The following BCO2 variants were observed in gnomAD, a reference collection of about 807,000 sequenced individuals.
The protein encoded by BCO2 is carotenoid-cleaving dioxygenase, mitochondrial.
BCO2 carries 56 observed loss-of-function variants against 65.8 expected under a neutral mutation model. The ratio of observed to expected loss-of-function variants is 0.85; its 90% CI spans 0.69 to 1.06. BCO2 has a LOEUF of 1.06. BCO2 is among the 50% of genes least tolerant of loss of function. The probability of loss-of-function intolerance (pLI) is 0.00; values close to 1 mark genes in which losing one functional copy is unlikely to be tolerated. For synonymous variants in BCO2, 233 were observed against 242.3 expected, an observed-to-expected ratio of 0.96 and a Z score of 0.36; for missense variants, 675 against 698.5, an observed-to-expected ratio of 0.97 and a Z score of 0.38.
chr11:112,190,699 A>G (rs1867352302), intron 2 of BCO2, among the ~76,000 whole-genome samples: 1 of 151,934 alleles, frequency 6.6e-6, no homozygotes, highest in African/African-American at 2.4e-5. Context: ...TACTAAAAAT[A>G]CAAAAAATTA....
intron 1 of BCO2, among the ~76,000 whole-genome samples, chr11:112,177,707 A>G (rs1467764965): frequency 6.6e-6 from 1 of 152,098 alleles, no homozygotes; most frequent in Non-Finnish European, 1.5e-5. Context: ...CATCATCACC[A>G]TCTTAGAAAA....
At chr11:112,177,614 G>A (rs564578069) in intron 1 of BCO2, among the ~76,000 whole-genome samples, 8 of 152,214 alleles carry the variant, frequency 5.3e-5, no homozygotes, top group South Asian at 2.1e-4. Flanking sequence ...TATAATAATA[G>A]CATTTTTTGA....
In BCO2 at chr11:112,190,505, G is replaced by T. The variant is rs555870307; in HGVS notation, c.294-2969G>T. ...AAATAATCACAGAATTATCTCCATAGATGTTGAAAAAGCTTTTGTGAAAAT... is the reference window on the plus strand; with the variant it reads ...AAATAATCACAGAATTATCTCCATATATGTTGAAAAAGCTTTTGTGAAAAT... On this transcript the variant is annotated intron_variant, in intron 2 of 11. Coordinates refer to ENST00000357685, the MANE Select transcript of BCO2 (RefSeq NM_031938.7). 2.8e-3 allele frequency among the ~76,000 whole-genome samples: 424 copies of T among 152,204 alleles called. 4 individuals are homozygous for T. Among genetic ancestry groups the T allele is most frequent in the African/African-American group, 9.6e-3 (398 of 41,530 alleles).
intron 2 of BCO2, chr11:112,181,481 G>T (rs1219660714): frequency 1.1e-5 from 8 of 701,228 alleles, no homozygotes; most frequent in Non-Finnish European, 2.2e-5. Flanking sequence ...GCGCCCGGCC[G>T]AGCTTTCTTA....
chr11:112,207,548 T>C (rs1859381374), intron 8 of BCO2, among the ~76,000 whole-genome samples: 2 of 152,358 alleles, frequency 1.3e-5, no homozygotes, highest in South Asian at 4.1e-4. Flanking sequence ...TGGTTACTTG[T>C]GCACTGCATT....
chr11:112,200,294 A>C (rs1056146039), intron 6 of BCO2: 43 of 213,516 alleles, frequency 2.0e-4, no homozygotes, highest in African/African-American at 9.7e-4. Flanking sequence ...ACATGTAAAG[A>C]TCATAAAGGA....
chr11:112,178,929 G>A (rs1281984435), intron 1 of BCO2, among the ~76,000 whole-genome samples: 1 of 152,216 alleles, frequency 6.6e-6, no homozygotes, highest in East Asian at 1.9e-4. Context: ...GGGTTGGCAT[G>A]TAGATTTATT....
intron 5 of BCO2, among the ~76,000 whole-genome samples, chr11:112,198,828 A>G (rs1275411532): frequency 6.6e-6 from 1 of 150,496 alleles, no homozygotes; most frequent in Non-Finnish European, 1.5e-5. Context: ...GAGTAAAGGA[A>G]CAGAATTTGA....
At chr11:112,204,766 C>T (rs940724278) in intron 8 of BCO2, among the ~76,000 whole-genome samples, 6 of 152,016 alleles carry the variant, frequency 3.9e-5, no homozygotes, top group Non-Finnish European at 5.9e-5. Context: ...TCCGCCTCCT[C>T]AGTTCAAGCA....
intron 5 of BCO2, among the ~76,000 whole-genome samples, chr11:112,198,677 A>G (rs1867646802): frequency 6.6e-6 from 1 of 152,106 alleles, no homozygotes; most frequent in African/African-American, 2.4e-5. Context: ...CAATAGCCAG[A>G]TGAATGATTG....
intron 3 of BCO2, 87 bp downstream of exon 3, chr11:112,193,784 A>T (rs532806786): frequency 2.4e-5 from 37 of 1,520,080 alleles, no homozygotes; most frequent in Non-Finnish European, 3.4e-5. Flanking sequence ...TGTGTATGTG[A>T]GAGGATGTTG....
At chr11:112,212,694 A>G (rs1859544717) in intron 8 of BCO2, among the ~76,000 whole-genome samples, 1 of 152,066 alleles carries the variant, frequency 6.6e-6, no homozygotes, top group Non-Finnish European at 1.5e-5. Context: ...TGCCAAAGAA[A>G]CCCACCCAAG....
At chr11:112,196,915 T>C (rs1488686967) in intron 5 of BCO2, among the ~76,000 whole-genome samples, 1 of 124,280 alleles carries the variant, frequency 8.0e-6, no homozygotes, top group Non-Finnish European at 1.7e-5. Flanking sequence ...TTCCTTTCCT[T>C]CCTTCCCTTC....
At chr11:112,217,518 C>T (rs921378749) in intron 11 of BCO2, among the ~76,000 whole-genome samples, 1 of 152,142 alleles carries the variant, frequency 6.6e-6, no homozygotes, top group African/African-American at 2.4e-5. Context: ...TGCACCACCA[C>T]GCCTGGTTAA....
chr11:112,189,415 T>C (rs1173635550), intron 2 of BCO2, among the ~76,000 whole-genome samples: 2 of 150,930 alleles, frequency 1.3e-5, no homozygotes, highest in Non-Finnish European at 3.0e-5. Context: ...TTTTTTTTTT[T>C]TTTTTTTTGA....
intron 10 of BCO2, 110 bp from the exon 11 acceptor site, chr11:112,216,110 A>G (rs2135400042): frequency 1.4e-6 from 1 of 727,754 alleles, no homozygotes; most frequent in East Asian, 2.6e-5. Context: ...TGGAGGGGAC[A>G]CACATCCAAA....
chr11:112,181,272 C>T lies in BCO2; in HGVS notation c.293+1790C>T, dbSNP rs1867038178. 17 of 579,272 alleles carry T rather than the reference C, an allele frequency of 2.9e-5. No individual in the cohort carries two copies. In the South Asian group the frequency reaches 3.1e-4, roughly 11 times the overall value. 35.9% of individuals were successfully genotyped at this position (579,272 alleles called of 1,614,324 possible). On this transcript the variant is annotated intron_variant, in intron 2 of 11. Coordinates refer to ENST00000357685, the MANE Select transcript of BCO2 (RefSeq NM_031938.7). ...TCTCGGCTCACTGCAAGCTCCGCCT[C>T]CCGGGTTCACGCCATTCTCCTGCCT...
chr11:112,211,021 GT>G (rs1859493263), intron 8 of BCO2, among the ~76,000 whole-genome samples: 1 of 151,968 alleles, frequency 6.6e-6, no homozygotes, highest in Non-Finnish European at 1.5e-5. Flanking sequence ...AATTCACAAT[GT>G]TGTGCAACAT....
At chr11:112,188,599 A>G (rs1867274410) in intron 2 of BCO2, among the ~76,000 whole-genome samples, 1 of 152,052 alleles carries the variant, frequency 6.6e-6, no homozygotes, top group Admixed American at 6.6e-5. Flanking sequence ...CTAAGATACT[A>G]TATGTCTTCT....
Sources: allele counts gnomAD v4.1 joint callset (sites outside exome capture counted in the v4.1 genomes callset), GRCh38; gene constraint gnomAD v4.1.1; transcripts MANE v1.5; gene names NCBI Gene and HGNC (gene_info 2026-07-23, HGNC 2026-07-21).